Variants in PPP4R4 observed in about 807,000 individuals in gnomAD.
The protein encoded by PPP4R4 is serine/threonine-protein phosphatase 4 regulatory subunit 4.
A neutral mutation model predicts 121.8 loss-of-function variants in PPP4R4; 70 were observed. The ratio of observed to expected loss-of-function variants is 0.57; its 90% CI spans 0.47 to 0.70. The LOEUF (loss-of-function observed/expected upper bound fraction) is 0.70. Among genes scored for constraint, PPP4R4 ranks in the 30% least tolerant of loss-of-function variants. The pLI, the probability that PPP4R4 is intolerant of heterozygous loss-of-function variation, is 0.00. For missense variants in PPP4R4, 875 were observed against 1,033.6 expected (o/e 0.85, Z 2.10); for synonymous variants, 348 against 355.7 (o/e 0.98, Z 0.24).
At chr14:94,277,827 A>C (rs1404255802) in intron 24 of PPP4R4, among the ~76,000 whole-genome samples, 1 of 152,150 alleles carries the variant, frequency 6.6e-6, no homozygotes, top group Non-Finnish European at 1.5e-5. Context: ...TAAAAAGTGA[A>C]TCTAGAAACA....
At chr14:94,226,410 C>CA (rs1199607309) in intron 3 of PPP4R4, among the ~76,000 whole-genome samples, 1 of 152,082 alleles carries the variant, frequency 6.6e-6, no homozygotes, top group Non-Finnish European at 1.5e-5. Flanking sequence ...TTATTGTCTT[C>CA]ACTTCATTTT....
chr14:94,251,208 TA>T (rs531577198), intron 15 of PPP4R4, among the ~76,000 whole-genome samples: 84 of 152,050 alleles, frequency 5.5e-4, no homozygotes, highest in Non-Finnish European at 1.1e-3. Context: ...TTATTGTCAG[TA>T]ATGCTGTTTA....
chr14:94,205,907 A>G (rs1890428694), intron 2 of PPP4R4, among the ~76,000 whole-genome samples: 2 of 151,902 alleles, frequency 1.3e-5, no homozygotes. Context: ...GTCTGTCTTG[A>G]TATATATTCT....
intron 19 of PPP4R4, among the ~76,000 whole-genome samples, chr14:94,264,569 G>A (rs574431946): frequency 3.3e-5 from 5 of 152,162 alleles, no homozygotes; most frequent in East Asian, 3.9e-4. Context: ...AAATTGAAAC[G>A]ACCAAAGTAA....
At chr14:94,227,145 A>G in intron 3 of PPP4R4, 1 of 658,896 alleles carries the variant, frequency 1.5e-6, no homozygotes, top group Non-Finnish European at 2.5e-6. Context: ...GAAACGTGCC[A>G]TTAACTCTTA....
chr14:94,264,450 C>G (rs10149840), intron 19 of PPP4R4, among the ~76,000 whole-genome samples: 21,657 of 152,086 alleles, frequency 0.14, 2,184 homozygotes, highest in African/African-American at 0.28. Context: ...CTGTGCCCAG[C>G]CTCTCTATGT....
At chr14:94,191,249 A>G (rs150265922) in intron 2 of PPP4R4, among the ~76,000 whole-genome samples, 10 of 152,242 alleles carry the variant, frequency 6.6e-5, no homozygotes, top group Non-Finnish European at 1.2e-4. Flanking sequence ...AAATAATTCT[A>G]AACTGTATCC....
intron 3 of PPP4R4, among the ~76,000 whole-genome samples, chr14:94,221,606 G>A (rs945312779): frequency 1.3e-5 from 2 of 152,026 alleles, no homozygotes; most frequent in African/African-American, 2.4e-5. Flanking sequence ...AACATCATTA[G>A]TCATTAGGAC....
intron 3 of PPP4R4, among the ~76,000 whole-genome samples, chr14:94,219,057 C>CT (rs35618569): frequency 0.11 from 14,410 of 131,660 alleles, 946 homozygotes; most frequent in Admixed American, 0.19. Flanking sequence ...AAAGGAAAAT[C>CT]TTTTTTTTTT....
chr14:94,265,007 T>C, intron 20 of PPP4R4, 60 bp downstream of exon 20: 1 of 1,255,420 alleles, frequency 8.0e-7, no homozygotes, highest in Non-Finnish European at 1.1e-6. Flanking sequence ...CATCCTGGTA[T>C]TCTGAAAGAC....
chr14:94,221,051 A>G (rs919923740), intron 3 of PPP4R4, among the ~76,000 whole-genome samples: 1 of 152,168 alleles, frequency 6.6e-6, no homozygotes, highest in Non-Finnish European at 1.5e-5. Flanking sequence ...AAAGTAATCA[A>G]TGAGACATAG....
At chr14:94,278,328 A>G (rs1228529934) in intron 24 of PPP4R4, among the ~76,000 whole-genome samples, 2 of 152,182 alleles carry the variant, frequency 1.3e-5, no homozygotes, top group South Asian at 4.1e-4. Flanking sequence ...TGGTTATACA[A>G]AATTAAAAAT....
intron 20 of PPP4R4, 29 bp downstream of exon 20, chr14:94,264,976 T>TTAATTACA (rs774962994): frequency 6.9e-7 from 1 of 1,444,704 alleles, no homozygotes; most frequent in Admixed American, 2.1e-5. Context: ...TCTTCAACAC[T>TTAATTACA]TAATTACATA....
At position 94,271,681 on chromosome 14, in the gene PPP4R4, T is replaced by C. The variant is rs529410276; in HGVS notation, c.2450-3693T>C. 2.0e-5 allele frequency among the ~76,000 whole-genome samples: 3 copies of C among 152,322 alleles called. No homozygotes were observed. The South Asian group carries it at 6.2e-4, about 32-fold the overall frequency. The stretch of plus-strand genomic sequence containing the variant: ...AAGGAAAGAAAAGATATACTGATTT[T>C]GGAAGGAAGAACTCAAATTGTCTTT... On this transcript the variant is annotated intron_variant, in intron 23 of 24. Coordinates refer to ENST00000304338, the MANE Select transcript of PPP4R4 (RefSeq NM_058237.2).
chr14:94,192,457 T>C (rs943458362), intron 2 of PPP4R4, among the ~76,000 whole-genome samples: 11 of 152,206 alleles, frequency 7.2e-5, no homozygotes, highest in Non-Finnish European at 1.3e-4. Flanking sequence ...ACAAACTGTT[T>C]AATAATTTAA....
chr14:94,247,950 A>C (rs910595507), intron 14 of PPP4R4, among the ~76,000 whole-genome samples: 4 of 152,164 alleles, frequency 2.6e-5, no homozygotes, highest in African/African-American at 9.7e-5. Context: ...ACCCACTGCC[A>C]ACATCAAACT....
intron 23 of PPP4R4, among the ~76,000 whole-genome samples, chr14:94,274,884 A>G (rs1451225407): frequency 6.6e-6 from 1 of 152,202 alleles, no homozygotes; most frequent in Admixed American, 6.5e-5. Flanking sequence ...CTGGAAAAAA[A>G]TAGAAATGTC....
chr14:94,213,319 T>C lies in PPP4R4; in HGVS notation c.294+4753T>C, dbSNP rs55997401. 3.0e-3 allele frequency among the ~76,000 whole-genome samples: 462 copies of C among 152,292 alleles called. 2 individuals are homozygous for C. Among genetic ancestry groups the C allele is most frequent in the African/African-American group, 0.011 (447 of 41,558 alleles). On this transcript the variant is annotated intron_variant, in intron 3 of 24. Coordinates refer to ENST00000304338, the MANE Select transcript of PPP4R4 (RefSeq NM_058237.2). ...ATCTCCTGTCTGTACTACAGCAGCC[T>C]CCTCACTGAGTCTGTTGCTTCCATT...
At chr14:94,242,245 T>A in intron 10 of PPP4R4, 44 bp from the exon 11 acceptor site, 1 of 1,591,952 alleles carries the variant, frequency 6.3e-7, no homozygotes, top group Non-Finnish European at 8.6e-7. Context: ...TGATGCATGT[T>A]TTTCTTTCCT....
Sources: allele counts gnomAD v4.1 joint callset (sites outside exome capture counted in the v4.1 genomes callset), GRCh38; gene constraint gnomAD v4.1.1; transcripts MANE v1.5; gene names NCBI Gene and HGNC (gene_info 2026-07-23, HGNC 2026-07-21).